The following PDE3A variants were observed in gnomAD, a reference collection of about 807,000 sequenced individuals.
PDE3A encodes the protein phosphodiesterase 3A.
Under a neutral mutation model 98.3 loss-of-function variants are expected in PDE3A, and 43 were observed. That is an observed-to-expected ratio of 0.44 (90% CI 0.34 to 0.56). The LOEUF is 0.56. PDE3A is among the 20% of genes least tolerant of loss of function. The pLI is 0.01. For missense variants in PDE3A, 1,427 were observed against 1,440.7 expected (o/e 0.99, Z 0.15); for synonymous variants, 663 against 567.9 (o/e 1.17, Z -2.38).
At chr12:20,499,905 C>G (rs1228281995) in intron 1 of PDE3A, among the ~76,000 whole-genome samples, 1 of 152,172 alleles carries the variant, frequency 6.6e-6, no homozygotes, top group African/African-American at 2.4e-5. Context: ...CACAACCCCA[C>G]CTGTTTCCTA....
At chr12:20,478,201 A>G (rs182110624) in intron 1 of PDE3A, among the ~76,000 whole-genome samples, 26 of 152,274 alleles carry the variant, frequency 1.7e-4, no homozygotes, top group Middle Eastern at 3.4e-3. Flanking sequence ...GTTTATTCCT[A>G]TTGACAGCTT....
chr12:20,661,258 A>G (rs2121523279), intron 15 of PDE3A, among the ~76,000 whole-genome samples: 1 of 152,312 alleles, frequency 6.6e-6, no homozygotes, highest in South Asian at 2.1e-4. Flanking sequence ...AAAGCATTCA[A>G]AGGCAACTTG....
At position 20,634,935 on chromosome 12, in the gene PDE3A, C is replaced by A; in HGVS notation, c.1880C>A (p.Thr627Asn). The change falls in exon 8 of 16, where the codon ACC (threonine) becomes AAC (asparagine). Residue 627 changes from threonine (T) to asparagine (N), a missense_variant. Physicochemically the swap from Thr to Asn is moderately conservative, Grantham distance 65. Coordinates refer to ENST00000359062, the MANE Select transcript of PDE3A (RefSeq NM_000921.5). The part of the protein sequence containing the change: ...DTAQVTSDYE[T>N]NNNSDSSDIV... Reference sequence around the variant, plus strand: ...GCTCAAGTTACCTCTGATTATGAAACCAATAACAACAGTGACAGCAGTGAC... The same window carrying A: ...GCTCAAGTTACCTCTGATTATGAAAACAATAACAACAGTGACAGCAGTGAC... The A allele has an allele frequency of 6.2e-7, 1 of 1,609,950 alleles. No homozygotes were observed. Among genetic ancestry groups the A allele is most frequent in the Non-Finnish European group, 8.5e-7 (1 of 1,176,316 alleles).
chr12:20,418,903 T>C (rs1277255145), intron 1 of PDE3A, among the ~76,000 whole-genome samples: 2 of 152,100 alleles, frequency 1.3e-5, no homozygotes, highest in Non-Finnish European at 2.9e-5. Flanking sequence ...TGCTTCTTAA[T>C]ATTCCGTATA....
chr12:20,516,575 G>A (rs973106420), intron 1 of PDE3A, among the ~76,000 whole-genome samples: 4 of 152,064 alleles, frequency 2.6e-5, no homozygotes, highest in African/African-American at 9.7e-5. Context: ...TTCTTTCAGG[G>A]TATGGCATTC....
intron 1 of PDE3A, among the ~76,000 whole-genome samples, chr12:20,462,090 T>A (rs1034139397): frequency 6.6e-6 from 1 of 152,178 alleles, no homozygotes; most frequent in African/African-American, 2.4e-5. Context: ...ATCTCACATA[T>A]AACTTTTAAT....
At chr12:20,489,118 G>A (rs1945784109) in intron 1 of PDE3A, among the ~76,000 whole-genome samples, 1 of 152,158 alleles carries the variant, frequency 6.6e-6, no homozygotes, top group Non-Finnish European at 1.5e-5. Flanking sequence ...ATTGGGCTAT[G>A]TAAATGTCTT....
At chr12:20,600,610 C>T (rs1229090319) in intron 2 of PDE3A, among the ~76,000 whole-genome samples, 1 of 152,144 alleles carries the variant, frequency 6.6e-6, no homozygotes, top group Non-Finnish European at 1.5e-5. Flanking sequence ...CACCCTAATC[C>T]TTTGCTTACT....
intron 6 of PDE3A, among the ~76,000 whole-genome samples, chr12:20,633,004 G>A (rs1423725377): frequency 7.1e-6 from 1 of 141,434 alleles, no homozygotes; most frequent in Non-Finnish European, 1.5e-5. Context: ...AGGCTGGAGT[G>A]CAGTGGTGCA....
chr12:20,525,224 G>A (rs1229334682), intron 1 of PDE3A, among the ~76,000 whole-genome samples: 1 of 152,080 alleles, frequency 6.6e-6, no homozygotes, highest in African/African-American at 2.4e-5. Context: ...CTGTATAAAA[G>A]GAATAGTAAT....
intron 2 of PDE3A, among the ~76,000 whole-genome samples, chr12:20,565,566 G>GTGA (rs1942635823): frequency 6.6e-6 from 1 of 152,044 alleles, no homozygotes; most frequent in Non-Finnish European, 1.5e-5. Flanking sequence ...GTAGGTAAAG[G>GTGA]TGATATAGGG....
intron 1 of PDE3A, among the ~76,000 whole-genome samples, chr12:20,530,915 G>C (rs919185907): frequency 1.6e-4 from 25 of 152,124 alleles, no homozygotes; most frequent in African/African-American, 5.8e-4. Context: ...CTCAAACTGG[G>C]ATCCTGAAAA....
At chr12:20,434,478 T>C (rs1310616569) in intron 1 of PDE3A, among the ~76,000 whole-genome samples, 1 of 152,182 alleles carries the variant, frequency 6.6e-6, no homozygotes. Context: ...TGCTAGCTTT[T>C]AGTAACTCCT....
At chr12:20,460,376 C>A (rs1186468910) in intron 1 of PDE3A, among the ~76,000 whole-genome samples, 1 of 152,080 alleles carries the variant, frequency 6.6e-6, no homozygotes, top group Non-Finnish European at 1.5e-5. Context: ...ACAATAATGT[C>A]AATTCATTGG....
At chr12:20,639,163 C>G (rs2121513587) in intron 9 of PDE3A, among the ~76,000 whole-genome samples, 1 of 152,166 alleles carries the variant, frequency 6.6e-6, no homozygotes, top group Non-Finnish European at 1.5e-5. Flanking sequence ...CCAACCACTC[C>G]CTTGAAGTTC....
At chr12:20,381,572 C>T (rs1943665062) in intron 1 of PDE3A, among the ~76,000 whole-genome samples, 1 of 151,850 alleles carries the variant, frequency 6.6e-6, no homozygotes, top group African/African-American at 2.4e-5. Flanking sequence ...ATCAAAAGCA[C>T]TCAGGGGACG....
intron 15 of PDE3A, among the ~76,000 whole-genome samples, chr12:20,666,619 T>C (rs1028845178): frequency 6.6e-6 from 1 of 152,238 alleles, no homozygotes; most frequent in African/African-American, 2.4e-5. Context: ...TTTATTCTTT[T>C]TATGTCTGAA....
chr12:20,371,325 C>G lies in PDE3A; in HGVS notation c.960+1081C>G, dbSNP rs562515039. ...TCCCTAGTTGAAGCAGATTTGTTCA[C>G]CTCTCTATTTGAAGTGGATTTGACA... On this transcript the variant is annotated intron_variant, in intron 1 of 15. Coordinates refer to ENST00000359062, the MANE Select transcript of PDE3A (RefSeq NM_000921.5). 13 of 984,072 alleles carry G rather than the reference C, an allele frequency of 1.3e-5. No individual in the cohort carries two copies. In the East Asian group the frequency reaches 1.5e-3, roughly 112 times the overall value. The allele number at this position is 984,072 out of a possible 1,614,324, so 61.0% of individuals were successfully genotyped here.
At chr12:20,506,070 G>A (rs1287100091) in intron 1 of PDE3A, among the ~76,000 whole-genome samples, 1 of 150,352 alleles carries the variant, frequency 6.7e-6, no homozygotes, top group Non-Finnish European at 1.5e-5. Context: ...ATATATTAGG[G>A]TCAAGGAGCT....
Sources: allele counts gnomAD v4.1 joint callset (sites outside exome capture counted in the v4.1 genomes callset), GRCh38; gene constraint gnomAD v4.1.1; transcripts MANE v1.5; gene names NCBI Gene and HGNC (gene_info 2026-07-23, HGNC 2026-07-21).